Variants in PARVB observed in about 807,000 individuals in gnomAD.
PARVB encodes the protein parvin beta.
PARVB carries 46 observed loss-of-function variants against 47.0 expected under a neutral mutation model. That is an observed-to-expected ratio of 0.98 (90% CI 0.77 to 1.25). The LOEUF is 1.25. Ranked by LOEUF, PARVB falls within the 50% of genes most tolerant of loss-of-function variation. The probability of loss-of-function intolerance (pLI) is 0.00; values close to 1 mark genes in which losing one functional copy is unlikely to be tolerated. For missense variants in PARVB, 473 were observed against 471.6 expected, an observed-to-expected ratio of 1.00 and a Z score of -0.03; for synonymous variants, 196 against 196.3, an observed-to-expected ratio of 1.00 and a Z score of 0.01.
At chr22:44,131,063 C>CCCTCCCTCCCTCCCTCCCTT (rs1569140891) in intron 4 of PARVB, among the ~76,000 whole-genome samples, 3 of 136,000 alleles carry the variant, frequency 2.2e-5, no homozygotes, top group Non-Finnish European at 4.8e-5. Context: ...CTCCCTCCCT[C>CCCTCCCTCCCTCCCTCCCTT]CCTCTCTCTC....
chr22:44,025,590 C>T (rs149657799), intron 1 of PARVB, among the ~76,000 whole-genome samples: 1 of 152,278 alleles, frequency 6.6e-6, no homozygotes, highest in African/African-American at 2.4e-5. Flanking sequence ...AGGGCAGGGT[C>T]TTGTCCCCTT....
chr22:44,000,533 A>G (rs574543154), intron 2 of PARVB, among the ~76,000 whole-genome samples: 9 of 152,192 alleles, frequency 5.9e-5, no homozygotes, highest in African/African-American at 2.2e-4. Context: ...AATTTTGCAG[A>G]TCTTTTAATA....
At chr22:44,047,978 AC>A (rs2146932162) in intron 1 of PARVB, among the ~76,000 whole-genome samples, 1 of 152,128 alleles carries the variant, frequency 6.6e-6, no homozygotes, top group South Asian at 2.1e-4. Context: ...TGGTGTGGGA[AC>A]CCCCAGCTCC....
intron 3 of PARVB, chr22:44,113,485 G>A (rs1236543997): frequency 1.7e-5 from 1 of 57,784 alleles, no homozygotes. Context: ...CACCAACACA[G>A]ATACGTTGTT....
chr22:44,057,709 G>A (rs2051340727), intron 1 of PARVB, among the ~76,000 whole-genome samples: 1 of 152,154 alleles, frequency 6.6e-6, no homozygotes, highest in African/African-American at 2.4e-5. Context: ...ACTGAGAGAG[G>A]AGTCAGTCTA....
At chr22:44,070,549 T>C (rs1385536471) in intron 1 of PARVB, among the ~76,000 whole-genome samples, 3 of 152,174 alleles carry the variant, frequency 2.0e-5, no homozygotes, top group East Asian at 3.8e-4. Flanking sequence ...TTGCCTTTGA[T>C]GTTCTGCATC....
chr22:44,008,255 G>A (rs888954564), intron 2 of PARVB, among the ~76,000 whole-genome samples: 1 of 152,052 alleles, frequency 6.6e-6, no homozygotes, highest in South Asian at 2.1e-4. Flanking sequence ...GGGATTACAG[G>A]CGCGCATCAC....
At chr22:44,039,550 GAAAA>G (rs923488864) in intron 1 of PARVB, among the ~76,000 whole-genome samples, 1 of 149,128 alleles carries the variant, frequency 6.7e-6, no homozygotes, top group Non-Finnish European at 1.5e-5. Context: ...CAAAAAGAAA[GAAAA>G]AAAAAAAGTA....
rs2267603 is a variant in PARVB, at chr22:44,060,605, C to T, written c.113-33323C>T. Among the ~76,000 whole-genome samples, 649 of 151,810 alleles carry T rather than the reference C, an allele frequency of 4.3e-3. 10 individuals are homozygous for T. Among genetic ancestry groups the T allele is most frequent in the African/African-American group, 0.015 (621 of 41,380 alleles). On this transcript the variant is annotated intron_variant, in intron 1 of 12. Transcript: ENST00000338758. ...TGTCATCTAGTAACCCAACTACATTCGGCATTAATATCTGGACAAAAGGTG... is the reference window on the plus strand; with the variant it reads ...TGTCATCTAGTAACCCAACTACATTTGGCATTAATATCTGGACAAAAGGTG...
intron 2 of PARVB, among the ~76,000 whole-genome samples, chr22:44,094,943 G>A (rs1457912459): frequency 6.6e-6 from 1 of 151,382 alleles, no homozygotes; most frequent in African/African-American, 2.4e-5. Context: ...TCCACACCAC[G>A]TGGCGTGGCG....
At chr22:44,001,272 A>G (rs193301340) in intron 2 of PARVB, among the ~76,000 whole-genome samples, 9 of 152,320 alleles carry the variant, frequency 5.9e-5, no homozygotes, top group Admixed American at 5.2e-4. Context: ...CAATCAATCA[A>G]TAAAAGATCA....
At chr22:44,069,667 T>C (rs2146975460) in intron 1 of PARVB, among the ~76,000 whole-genome samples, 1 of 152,278 alleles carries the variant, frequency 6.6e-6, no homozygotes, top group African/African-American at 2.4e-5. Flanking sequence ...TAGCTGGGAT[T>C]ACAGGCTCCC....
At chr22:44,118,463 C>T (rs1861637822) in intron 3 of PARVB, among the ~76,000 whole-genome samples, 1 of 152,164 alleles carries the variant, frequency 6.6e-6, no homozygotes, top group South Asian at 2.1e-4. Context: ...TGACGGTGGT[C>T]ACACCAAGCC....
At chr22:44,024,150 C>T (rs934195175), upstream of PARVB, 28 of 179,628 alleles carry the variant, frequency 1.6e-4, no homozygotes, top group Non-Finnish European at 2.6e-4. Flanking sequence ...AGCGGCGGCG[C>T]GGGACGGGGA....
At chr22:44,023,598 AAAAT>A (rs1365781612), upstream of PARVB, among the ~76,000 whole-genome samples, 8 of 141,842 alleles carry the variant, frequency 5.6e-5, no homozygotes, top group African/African-American at 8.1e-5. Flanking sequence ...AAAATAAAAT[AAAAT>A]AAAAATAGCC....
chr22:44,122,472 T>G, intron 4 of PARVB, among the ~76,000 whole-genome samples: 1 of 125,930 alleles, frequency 7.9e-6, no homozygotes, highest in African/African-American at 3.0e-5. Flanking sequence ...GGCAACAGAG[T>G]GAGACCCTGT....
chr22:44,074,579 G>A (rs1569093485), intron 1 of PARVB, among the ~76,000 whole-genome samples: 1 of 152,202 alleles, frequency 6.6e-6, no homozygotes, highest in Non-Finnish European at 1.5e-5. Context: ...GCTTTTCACA[G>A]CCCTGGGAGT....
chr22:44,033,111 C>T (rs1338545062), intron 1 of PARVB, among the ~76,000 whole-genome samples: 1 of 152,164 alleles, frequency 6.6e-6, no homozygotes, highest in Non-Finnish European at 1.5e-5. Flanking sequence ...TTTCTTGAGA[C>T]AGAGTCCTGC....
chr22:44,078,594 A>G lies in PARVB; in HGVS notation c.113-15334A>G, dbSNP rs1024257823. Among the ~76,000 whole-genome samples the G allele has an allele frequency of 2.0e-5, 3 of 152,198 alleles. No individual in the cohort carries two copies. In the East Asian group the frequency reaches 5.8e-4, roughly 29 times the overall value. Reference sequence around the variant, plus strand: ...TCTCCCACCCCAAGGTCCTTACCTAATCACATCTACAAAGTCCCCCTCTTG... The same window carrying G: ...TCTCCCACCCCAAGGTCCTTACCTAGTCACATCTACAAAGTCCCCCTCTTG... On this transcript the variant is annotated intron_variant, in intron 1 of 12. Coordinates refer to ENST00000338758, the MANE Select transcript of PARVB (RefSeq NM_013327.5).
Sources: gnomAD v4.1 joint callset for allele counts (sites outside exome capture counted in the v4.1 genomes callset) on GRCh38, gnomAD v4.1.1 for gene constraint, MANE v1.5 for transcripts, NCBI Gene and HGNC (gene_info 2026-07-23, HGNC 2026-07-21) for gene names.